NEGR1: variants seen among roughly 807,000 people sequenced by gnomAD.
NEGR1 encodes IgLON family member 4.
In NEGR1, 10 loss-of-function variants were observed where a neutral mutation model predicts 40.9. The observed-to-expected ratio is 0.24, with a 90% CI of 0.15 to 0.42. NEGR1 has a LOEUF of 0.42. NEGR1 is among the 10% of genes least tolerant of loss of function. The pLI, the probability that NEGR1 is intolerant of heterozygous loss-of-function variation, is 1.00. For missense variants in NEGR1, 352 were observed against 438.9 expected (o/e 0.80, Z 1.77); for synonymous variants, 185 against 166.8 (o/e 1.11, Z -0.84).
At chr1:72,189,905 A>C (rs898970755) in intron 1 of NEGR1, among the ~76,000 whole-genome samples, 1 of 151,602 alleles carries the variant, frequency 6.6e-6, no homozygotes. Context: ...TAATGACTGG[A>C]CCTTGATCAT....
At chr1:72,194,049 T>G (rs2100434126) in intron 1 of NEGR1, among the ~76,000 whole-genome samples, 1 of 151,960 alleles carries the variant, frequency 6.6e-6, no homozygotes, top group Non-Finnish European at 1.5e-5. Context: ...GAAGGTAAAT[T>G]TTTTAGAATT....
intron 1 of NEGR1, among the ~76,000 whole-genome samples, chr1:72,064,158 G>A (rs1483038836): frequency 6.6e-6 from 1 of 152,002 alleles, no homozygotes; most frequent in African/African-American, 2.4e-5. Context: ...ATGCAGAGAA[G>A]TGATGGGTAA....
chr1:71,411,588 T>A (rs965275085), intron 6 of NEGR1, among the ~76,000 whole-genome samples: 1 of 152,186 alleles, frequency 6.6e-6, no homozygotes, highest in Non-Finnish European at 1.5e-5. Flanking sequence ...ATCTGGGCTA[T>A]GGCAAGGGCT....
chr1:72,014,755 T>G (rs1007524101), intron 1 of NEGR1, among the ~76,000 whole-genome samples: 1 of 152,076 alleles, frequency 6.6e-6, no homozygotes, highest in Non-Finnish European at 1.5e-5. Context: ...ATTGAGTTTT[T>G]AAAGGTGGTT....
At chr1:72,093,551 T>C (rs1215532856) in intron 1 of NEGR1, among the ~76,000 whole-genome samples, 3 of 152,212 alleles carry the variant, frequency 2.0e-5, no homozygotes, top group African/African-American at 7.2e-5. Context: ...GTTCCTGTAA[T>C]GTCAGGTATT....
At chr1:72,209,573 T>C (rs973354179) in intron 1 of NEGR1, among the ~76,000 whole-genome samples, 3 of 151,872 alleles carry the variant, frequency 2.0e-5, no homozygotes, top group Admixed American at 6.6e-5. Context: ...TCAGCCATAA[T>C]GTAAGAAATA....
At chr1:71,612,342 A>G (rs537545794) in intron 4 of NEGR1, among the ~76,000 whole-genome samples, 2 of 152,352 alleles carry the variant, frequency 1.3e-5, no homozygotes, top group African/African-American at 4.8e-5. Context: ...CATTCTTTGT[A>G]TATTCCAAGA....
intron 1 of NEGR1, among the ~76,000 whole-genome samples, chr1:72,038,384 A>G (rs1246088229): frequency 6.6e-6 from 1 of 152,020 alleles, no homozygotes; most frequent in Non-Finnish European, 1.5e-5. Flanking sequence ...TTCTCATAAG[A>G]AGTTCATATT....
At chr1:72,081,292 G>C (rs1049879193) in intron 1 of NEGR1, among the ~76,000 whole-genome samples, 1 of 151,356 alleles carries the variant, frequency 6.6e-6, no homozygotes, top group African/African-American at 2.5e-5. Flanking sequence ...ATCTAATGAG[G>C]GTTGTCTAAA....
chr1:71,769,804 A>G (rs1296884912), intron 3 of NEGR1, among the ~76,000 whole-genome samples: 1 of 152,216 alleles, frequency 6.6e-6, no homozygotes, highest in East Asian at 1.9e-4. Flanking sequence ...ATTTAAACAC[A>G]TTTCAAAAGT....
At chr1:71,456,780 G>A (rs1053832841) in intron 6 of NEGR1, among the ~76,000 whole-genome samples, 2 of 152,112 alleles carry the variant, frequency 1.3e-5, no homozygotes, top group African/African-American at 2.4e-5. Flanking sequence ...GCCATGTATC[G>A]CTATACAGCT....
At chr1:72,063,767 C>T (rs1647212974) in intron 1 of NEGR1, among the ~76,000 whole-genome samples, 1 of 151,968 alleles carries the variant, frequency 6.6e-6, no homozygotes. Flanking sequence ...ACACTATACA[C>T]ATTTTTAATC....
At chr1:71,452,675 T>C (rs1646637320) in intron 6 of NEGR1, among the ~76,000 whole-genome samples, 1 of 152,106 alleles carries the variant, frequency 6.6e-6, no homozygotes, top group Non-Finnish European at 1.5e-5. Context: ...TTGCTAACAT[T>C]TCCAAATACC....
intron 6 of NEGR1, among the ~76,000 whole-genome samples, chr1:71,549,057 G>A (rs566664496): frequency 3.4e-4 from 52 of 151,820 alleles, no homozygotes; most frequent in Middle Eastern, 6.8e-3. Flanking sequence ...GGACACCAGA[G>A]CTATAAATTA....
intron 2 of NEGR1, among the ~76,000 whole-genome samples, chr1:71,917,885 A>G (rs1282219909): frequency 6.6e-6 from 1 of 151,622 alleles, no homozygotes; most frequent in Non-Finnish European, 1.5e-5. Context: ...GCCTTTAAGA[A>G]CGACCTCACT....
intron 6 of NEGR1, among the ~76,000 whole-genome samples, chr1:71,580,852 G>A (rs1006905718): frequency 6.6e-6 from 1 of 152,122 alleles, no homozygotes; most frequent in African/African-American, 2.4e-5. Flanking sequence ...TACATGGGGA[G>A]AAATTGTGTT....
chr1:71,696,471 T>C (rs2101627413), intron 4 of NEGR1, among the ~76,000 whole-genome samples: 2 of 151,836 alleles, frequency 1.3e-5, no homozygotes, highest in Non-Finnish European at 3.0e-5. Context: ...GTTTATTTGA[T>C]AGATTTTACT....
intron 3 of NEGR1, among the ~76,000 whole-genome samples, chr1:71,729,966 A>G (rs1654803429): frequency 6.6e-6 from 1 of 152,008 alleles, no homozygotes; most frequent in East Asian, 1.9e-4. Flanking sequence ...TCCAAAACTA[A>G]CTTTGAAATA....
At chr1:71,905,410 T>G (rs199953528) in intron 2 of NEGR1, among the ~76,000 whole-genome samples, 1 of 152,040 alleles carries the variant, frequency 6.6e-6, no homozygotes, top group East Asian at 1.9e-4. Flanking sequence ...ATCTCATATT[T>G]TTAGATAAAT....
Sources: allele counts gnomAD v4.1 joint callset (sites outside exome capture counted in the v4.1 genomes callset), GRCh38; gene constraint gnomAD v4.1.1; transcripts MANE v1.5; gene names NCBI Gene and HGNC (gene_info 2026-07-23, HGNC 2026-07-21).